SELE: variants seen among roughly 807,000 people sequenced by gnomAD.
SELE encodes selectin E, also known as E-selectin.
SELE carries 52 observed loss-of-function variants against 75.8 expected under a neutral mutation model. The observed-to-expected ratio is 0.69, with a 90% CI of 0.55 to 0.86. SELE has a LOEUF of 0.86. Among genes scored for constraint, SELE ranks in the 40% least tolerant of loss-of-function variants. The pLI, the probability that SELE is intolerant of heterozygous loss-of-function variation, is 0.00. For missense variants in SELE, 754 were observed against 732.7 expected (o/e 1.03, Z -0.34); for synonymous variants, 285 against 258.7 (o/e 1.10, Z -0.98).
In SELE at chr1:169,723,470, T is replaced by C. The variant is rs1648676525; in HGVS notation, c.*1055A>G. On this transcript the variant is annotated 3_prime_UTR_variant, in exon 14 of 14. Transcript: ENST00000333360. ...AGACATTCATAAAATTATACCTTTG[T>C]GTGTTTGCATTTATGCTTTTATTAG... 6.6e-6 allele frequency: 1 copy of C among 152,268 alleles called. No homozygotes were observed. The highest frequency in any genetic ancestry group is 6.5e-5 in the Admixed American group (1 of 15,290). The allele number at this position is 152,268 out of a possible 1,614,324, so 9.4% of individuals were successfully genotyped here.
rs370418450 is a variant in SELE at position 169,727,400 on chromosome 1, G to A, written c.1594C>T (p.Arg532Trp). ...EGWTLNGSAARTCGATGHWSG... is the reference protein window; with the variant it reads ...EGWTLNGSAAWTCGATGHWSG... Reference sequence around the variant, plus strand: ...CAGTGTCCTGTGGCTCCACATGTCCGAGCTGCAGAGCCATTGAGCGTCCAT... The same window carrying A: ...CAGTGTCCTGTGGCTCCACATGTCCAAGCTGCAGAGCCATTGAGCGTCCAT... The change falls in exon 10 of 14, where the codon CGG (arginine) becomes TGG (tryptophan). Residue 532 changes from arginine (R) to tryptophan (W), a missense_variant. Physicochemically the swap from Arg to Trp is moderately radical, Grantham distance 101. Transcript: ENST00000333360. 40 of 1,614,004 alleles carry A rather than the reference G, an allele frequency of 2.5e-5. No homozygotes were observed. The highest frequency in any genetic ancestry group is 2.0e-4 in the African/African-American group (15 of 74,914).
At position 169,733,680 on chromosome 1, in the gene SELE, A is replaced by C. The variant is rs1015498126; in HGVS notation, c.-48-20T>G. The C allele has an allele frequency of 6.8e-7, 1 of 1,465,818 alleles. No homozygotes were observed. The highest frequency in any genetic ancestry group is 1.4e-5 in the African/African-American group (1 of 72,064). 90.8% of individuals were successfully genotyped at this position (1,465,818 alleles called of 1,614,324 possible). ...ACTTTCCTGGGGAGATAAAACACAA[A>C]ATGAATTAAAGAAGGAAATCGTGGG... On this transcript the variant is annotated intron_variant, in intron 1 of 13. Transcript: ENST00000333360.
At chr1:169,732,546 G>A in intron 3 of SELE, 69 bp downstream of exon 3, 1 of 1,499,478 alleles carries the variant, frequency 6.7e-7, no homozygotes, top group South Asian at 1.4e-5. Context: ...AGCAGTTTTT[G>A]CATGCTGTAA....
chr1:169,727,209 C>T lies in SELE; in HGVS notation c.1645+140G>A, dbSNP rs1434789357. 1.8e-5 allele frequency: 15 copies of T among 833,232 alleles called. No homozygotes were observed. In the East Asian group the frequency reaches 3.8e-4, roughly 21 times the overall value. The allele number at this position is 833,232 out of a possible 1,614,324, so 51.6% of individuals were successfully genotyped here. On this transcript the variant is annotated intron_variant, in intron 10 of 13. Transcript: ENST00000333360. The stretch of plus-strand genomic sequence containing the variant: ...TGCAACTTCTGTTTTTTCTCTATCC[C>T]CATACAACTTAATATTCACAACTTG...
chr1:169,725,521 A>T (rs3917435), intron 13 of SELE, among the ~76,000 whole-genome samples: 28,585 of 152,164 alleles, frequency 0.19, 2,957 homozygotes, highest in Middle Eastern at 0.26. Context: ...ATTATTATCT[A>T]TCATAAATGA....
At chr1:169,727,261 G>C in intron 10 of SELE, 88 bp downstream of exon 10, 2 of 1,421,006 alleles carry the variant, frequency 1.4e-6, no homozygotes, top group Non-Finnish European at 9.5e-7. Flanking sequence ...TTCTGGTTTG[G>C]ATATAATGAA....
Position 169,722,711 on chromosome 1 carries a change from T to C in SELE, c.*1814A>G, listed in dbSNP as rs1465636815. On this transcript the variant is annotated 3_prime_UTR_variant, in exon 14 of 14. Transcript: ENST00000333360. Reference sequence around the variant, plus strand: ...TAGGTCTGACATAAGCTTAAATAAATATATACTTTAAAAATTATAAAATAT... The same window carrying C: ...TAGGTCTGACATAAGCTTAAATAAACATATACTTTAAAAATTATAAAATAT... The C allele has an allele frequency of 6.6e-6, 1 of 152,150 alleles. No individual in the cohort carries two copies. The highest frequency in any genetic ancestry group is 2.4e-5 in the African/African-American group (1 of 41,446). 9.4% of individuals were successfully genotyped at this position (152,150 alleles called of 1,614,324 possible). A position where few individuals can be genotyped will look rare whatever the true frequency, so the allele number is the denominator to read the frequency against.
chr1:169,731,965 TGAG>T (rs1558015541), intron 3 of SELE, 23 bp from the exon 4 acceptor site: 2 of 1,483,398 alleles, frequency 1.3e-6, no homozygotes, highest in South Asian at 1.1e-5. Context: ...CAAAGCATGA[TGAG>T]GAGGACTATT....
rs547304288 is a variant in SELE at position 169,731,891 on chromosome 1, A to G, written c.473T>C (p.Ile158Thr). 1.7e-4 allele frequency: 278 copies of G among 1,613,700 alleles called. No individual in the cohort carries two copies. The highest frequency in any genetic ancestry group is 2.3e-4 in the Non-Finnish European group (272 of 1,179,788). ...CSGHGECVET[I>T]NNYTCKCDPG... ...GTCACACTTGCAAGTGTAATTATTG[A>G]TGGTCTCTACACATTCACCGTGGCC... Residue 158 changes from isoleucine to threonine, a missense_variant, in exon 4 of 14, where the codon ATC becomes ACC. Physicochemically the swap from Ile to Thr is moderately conservative, Grantham distance 89 (BLOSUM62 -1). Transcript: ENST00000333360.
At chr1:169,725,984 T>C (rs1648754081) in intron 11 of SELE, 56 bp from the exon 12 acceptor site, 1 of 1,592,510 alleles carries the variant, frequency 6.3e-7, no homozygotes, top group Non-Finnish European at 8.6e-7. Context: ...TTTAAGGATA[T>C]ATTAAATCCA....
chr1:169,733,226 T>C (rs1648962308), intron 2 of SELE, among the ~76,000 whole-genome samples: 1 of 152,226 alleles, frequency 6.6e-6, no homozygotes, highest in African/African-American at 2.4e-5. Flanking sequence ...CACAACATTA[T>C]AGTATACCCA....
chr1:169,731,846 T>G lies in SELE; in HGVS notation c.518A>C (p.Lys173Thr), dbSNP rs1030802058. Residue 173 changes from lysine (K) to threonine (T), a missense_variant, in exon 4 of 14, where the codon AAG (lysine) becomes ACG (threonine). Physicochemically the swap from Lys to Thr is moderately conservative, Grantham distance 78. Transcript: ENST00000333360. ...AGAACCAGACTTACTTTGCTCACAC[T>G]TGAGTCCACTGAAGCCAGGGTCACA... The part of the protein sequence containing the change: ...CKCDPGFSGL[K>T]CEQIVNCTAL... The G allele has an allele frequency of 3.1e-6, 5 of 1,612,270 alleles. No homozygotes were observed. The highest frequency in any genetic ancestry group is 2.7e-5 in the African/African-American group (2 of 74,870).
chr1:169,732,224 A>G (rs1648927522), intron 3 of SELE, among the ~76,000 whole-genome samples: 1 of 151,858 alleles, frequency 6.6e-6, no homozygotes, highest in Non-Finnish European at 1.5e-5. Context: ...AGTAATTAAA[A>G]TATGTATTGT....
intron 4 of SELE, 131 bp from the exon 5 acceptor site, chr1:169,730,748 T>A: frequency 2.0e-6 from 1 of 512,592 alleles, no homozygotes; most frequent in Non-Finnish European, 3.3e-6. Flanking sequence ...ATGGAATTTG[T>A]AAAATTGACT....
intron 4 of SELE, 150 bp downstream of exon 4, chr1:169,731,685 G>A: frequency 1.7e-6 from 1 of 571,532 alleles, no homozygotes; most frequent in Non-Finnish European, 3.2e-6. Flanking sequence ...AAACCCAGCA[G>A]GGTCTGACTT....
At position 169,723,597 on chromosome 1, in the gene SELE, C is replaced by G. The variant is rs1035268224; in HGVS notation, c.*928G>C. 2.6e-5 allele frequency: 4 copies of G among 152,290 alleles called. No individual in the cohort carries two copies. The highest frequency in any genetic ancestry group is 9.6e-5 in the African/African-American group (4 of 41,558). The allele number at this position is 152,290 out of a possible 1,614,324, so 9.4% of individuals were successfully genotyped here. A position where few individuals can be genotyped will look rare whatever the true frequency, so the allele number is the denominator to read the frequency against. On this transcript the variant is annotated 3_prime_UTR_variant, in exon 14 of 14. Coordinates refer to ENST00000333360, the MANE Select transcript of SELE (RefSeq NM_000450.2). ...AACCTTCCATTCAGTTTTTACTCTCCAATTCTACCATGTTTTCAAAAAACA... is the reference window on the plus strand; with the variant it reads ...AACCTTCCATTCAGTTTTTACTCTCGAATTCTACCATGTTTTCAAAAAACA...
Position 169,724,124 on chromosome 1 carries a change from C to G in SELE, c.*401G>C, listed in dbSNP as rs1242813076. ...TGACAGCAACTGTGTAATCAGCTGT[C>G]GAAACACTGTGAAGGGCAAAAGAAA... On this transcript the variant is annotated 3_prime_UTR_variant, in exon 14 of 14. Transcript: ENST00000333360. 2.0e-5 allele frequency: 3 copies of G among 152,020 alleles called. No individual in the cohort carries two copies. Among genetic ancestry groups the G allele is most frequent in the Non-Finnish European group, 4.4e-5 (3 of 68,018 alleles). 9.4% of individuals were successfully genotyped at this position (152,020 alleles called of 1,614,324 possible). A position where few individuals can be genotyped will look rare whatever the true frequency, so the allele number is the denominator to read the frequency against.
chr1:169,733,810 T>C (rs1648977344), intron 1 of SELE, 150 bp from the exon 2 acceptor site: 1 of 588,310 alleles, frequency 1.7e-6, no homozygotes. Context: ...ATCAAATAAA[T>C]AAACAAATTT....
At chr1:169,728,654 C>G (rs1344550549) in intron 7 of SELE, among the ~76,000 whole-genome samples, 1 of 152,200 alleles carries the variant, frequency 6.6e-6, no homozygotes, top group Non-Finnish European at 1.5e-5. Context: ...GGAAATCATT[C>G]TGTGCTGGCT....
Sources: allele counts gnomAD v4.1 joint callset (sites outside exome capture counted in the v4.1 genomes callset), GRCh38; gene constraint gnomAD v4.1.1; transcripts MANE v1.5; gene names NCBI Gene and HGNC (gene_info 2026-07-23, HGNC 2026-07-21).